Variants in KCNH7 observed in about 807,000 individuals in gnomAD.
The protein encoded by KCNH7 is potassium voltage-gated channel subfamily H member 7, also known as voltage-gated inwardly rectifying potassium channel KCNH7.
KCNH7 carries 49 observed loss-of-function variants against 120.8 expected under a neutral mutation model. The ratio of observed to expected loss-of-function variants is 0.41; its 90% CI spans 0.32 to 0.51. The LOEUF is 0.51. Ranked by LOEUF, KCNH7 falls within the 20% of genes least tolerant of loss-of-function variation. The probability of loss-of-function intolerance (pLI) is 0.38; values close to 1 mark genes in which losing one functional copy is unlikely to be tolerated. For missense variants in KCNH7, 1,097 were observed against 1,446.6 expected (o/e 0.76, Z 3.92); for synonymous variants, 547 against 516.1 (o/e 1.06, Z -0.81).
chr2:162,399,070 G>A (rs958841772), intron 10 of KCNH7, among the ~76,000 whole-genome samples: 2 of 151,810 alleles, frequency 1.3e-5, no homozygotes, highest in African/African-American at 4.8e-5. Context: ...ACCATCATAT[G>A]TGAACATCAA....
chr2:162,606,093 A>G (rs1249975007), intron 2 of KCNH7, among the ~76,000 whole-genome samples: 1 of 152,056 alleles, frequency 6.6e-6, no homozygotes, highest in East Asian at 1.9e-4. Flanking sequence ...TATTGTTTGG[A>G]TAGATTTTAT....
At chr2:162,767,660 T>C (rs781702649) in intron 2 of KCNH7, among the ~76,000 whole-genome samples, 1 of 152,158 alleles carries the variant, frequency 6.6e-6, no homozygotes, top group Non-Finnish European at 1.5e-5. Flanking sequence ...AAGGCTGTTT[T>C]TATTATATAC....
At chr2:162,583,665 A>G (rs1467486042) in intron 2 of KCNH7, among the ~76,000 whole-genome samples, 1 of 152,154 alleles carries the variant, frequency 6.6e-6, no homozygotes, top group Non-Finnish European at 1.5e-5. Flanking sequence ...CACAGTTCCT[A>G]ACAGATTTAT....
chr2:162,571,765 T>C (rs1693485485), intron 2 of KCNH7, among the ~76,000 whole-genome samples: 1 of 140,230 alleles, frequency 7.1e-6, no homozygotes, highest in Admixed American at 7.5e-5. Flanking sequence ...ATCTGATCTT[T>C]GACAAACCTG....
chr2:162,539,090 G>C (rs191921705), intron 2 of KCNH7, among the ~76,000 whole-genome samples: 45 of 152,180 alleles, frequency 3.0e-4, no homozygotes, highest in Admixed American at 2.6e-3. Flanking sequence ...AAAATAGTTA[G>C]CTGGAGCACT....
chr2:162,587,398 C>T (rs1694054489), intron 2 of KCNH7, among the ~76,000 whole-genome samples: 1 of 152,112 alleles, frequency 6.6e-6, no homozygotes, highest in Admixed American at 6.6e-5. Context: ...CTCACAATAA[C>T]TTCCTAGAGC....
At chr2:162,705,562 A>G (rs12623817) in intron 2 of KCNH7, among the ~76,000 whole-genome samples, 33,283 of 152,010 alleles carry the variant, frequency 0.22, 5,228 homozygotes, top group East Asian at 0.44. Flanking sequence ...TCTGATGTAA[A>G]TTCATTACAG....
At chr2:162,673,945 T>A (rs1321969959) in intron 2 of KCNH7, among the ~76,000 whole-genome samples, 1 of 151,958 alleles carries the variant, frequency 6.6e-6, no homozygotes, top group Non-Finnish European at 1.5e-5. Context: ...CATACTTACA[T>A]AAGTACTTAA....
intron 2 of KCNH7, among the ~76,000 whole-genome samples, chr2:162,605,858 C>A (rs1210791380): frequency 6.6e-6 from 1 of 152,016 alleles, no homozygotes; most frequent in African/African-American, 2.4e-5. Flanking sequence ...AGACCCATGA[C>A]AAAGTCAGAA....
chr2:162,451,691 A>G (rs776469390), intron 6 of KCNH7, among the ~76,000 whole-genome samples: 103 of 151,970 alleles, frequency 6.8e-4, no homozygotes, highest in Non-Finnish European at 1.1e-3. Context: ...GTCTCTCTCT[A>G]TATATGTAGA....
chr2:162,401,480 G>T (rs938645143), intron 9 of KCNH7, among the ~76,000 whole-genome samples: 6 of 151,846 alleles, frequency 4.0e-5, no homozygotes, highest in Admixed American at 3.9e-4. Flanking sequence ...ACCTTGTTAT[G>T]CCATCCAATA....
intron 12 of KCNH7, among the ~76,000 whole-genome samples, chr2:162,392,703 A>G (rs894249462): frequency 6.6e-6 from 1 of 152,002 alleles, no homozygotes; most frequent in African/African-American, 2.4e-5. Flanking sequence ...CAGAAGTACA[A>G]CTGGAGTAAA....
intron 3 of KCNH7, among the ~76,000 whole-genome samples, chr2:162,521,956 T>A (rs909216388): frequency 6.6e-6 from 1 of 151,766 alleles, no homozygotes; most frequent in African/African-American, 2.4e-5. Flanking sequence ...CTACTACTTC[T>A]CTCTATGGTA....
intron 2 of KCNH7, among the ~76,000 whole-genome samples, chr2:162,821,598 A>C (rs145742183): frequency 0.016 from 2,377 of 152,318 alleles, 55 homozygotes; most frequent in African/African-American, 0.049. Context: ...GAGTGTCTAC[A>C]TATCCAGTTT....
chr2:162,449,405 G>T (rs1473864269), intron 6 of KCNH7, among the ~76,000 whole-genome samples: 1 of 152,024 alleles, frequency 6.6e-6, no homozygotes, highest in African/African-American at 2.4e-5. Context: ...ATGACTTGTG[G>T]GTTAAATTGT....
At position 162,706,445 on chromosome 2, in the gene KCNH7, C is replaced by A. The variant is rs186372761; in HGVS notation, c.307+130092G>T. On this transcript the variant is annotated intron_variant, in intron 2 of 15. Coordinates refer to ENST00000332142, the MANE Select transcript of KCNH7 (RefSeq NM_033272.4). ...TCTCATAACAACTCTATAAGAGGGA[C>A]CTTATTTTCCCTATTTTACAGATGA... Among the ~76,000 whole-genome samples, 4 of 152,062 alleles carry A rather than the reference C, an allele frequency of 2.6e-5. No homozygotes were observed. In the East Asian group the frequency reaches 7.7e-4, roughly 29 times the overall value.
At chr2:162,771,440 T>A (rs1009881906) in intron 2 of KCNH7, among the ~76,000 whole-genome samples, 4 of 152,140 alleles carry the variant, frequency 2.6e-5, no homozygotes, top group Admixed American at 6.5e-5. Context: ...ACTTTAGCCA[T>A]GAAACTTTCC....
At chr2:162,709,929 C>A (rs528264289) in intron 2 of KCNH7, among the ~76,000 whole-genome samples, 1 of 152,224 alleles carries the variant, frequency 6.6e-6, no homozygotes, top group East Asian at 1.9e-4. Flanking sequence ...TGAAGATATA[C>A]AGCTTGGTAG....
At chr2:162,480,293 A>G (rs1465479636) in intron 6 of KCNH7, among the ~76,000 whole-genome samples, 1 of 152,140 alleles carries the variant, frequency 6.6e-6, no homozygotes, top group Non-Finnish European at 1.5e-5. Flanking sequence ...ACAATTGTAC[A>G]TTCATTCTCC....
Sources: gnomAD v4.1 joint callset for allele counts (sites outside exome capture counted in the v4.1 genomes callset) on GRCh38, gnomAD v4.1.1 for gene constraint, MANE v1.5 for transcripts, NCBI Gene and HGNC (gene_info 2026-07-23, HGNC 2026-07-21) for gene names.